EGFLAM: variants seen among roughly 807,000 people sequenced by gnomAD.
The protein encoded by EGFLAM is EGF like, fibronectin type III and laminin G domains, also known as pikachurin.
A neutral mutation model predicts 113.1 loss-of-function variants in EGFLAM; 79 were observed. The observed-to-expected ratio is 0.70, with a 90% confidence interval of 0.58 to 0.84. The LOEUF (loss-of-function observed/expected upper bound fraction) is 0.84. EGFLAM is among the 40% of genes least tolerant of loss of function. EGFLAM has a pLI of 0.00. For missense variants in EGFLAM, 1,265 were observed against 1,291.6 expected (o/e 0.98, Z 0.32); for synonymous variants, 504 against 487.6 (o/e 1.03, Z -0.44).
intron 8 of EGFLAM, among the ~76,000 whole-genome samples, 171 bp from the exon 9 acceptor site, chr5:38,407,634 C>T (rs1741332977): frequency 6.6e-6 from 1 of 152,180 alleles, no homozygotes; most frequent in South Asian, 2.1e-4. Context: ...AGCTCAAAGT[C>T]TCCAAGAATG....
intron 9 of EGFLAM, among the ~76,000 whole-genome samples, chr5:38,408,413 T>C (rs112329599): frequency 0.022 from 3,325 of 152,328 alleles, 148 homozygotes; most frequent in African/African-American, 0.077. Context: ...GACCTCAGCT[T>C]AAACTGATTC....
chr5:38,307,114 A>G (rs1758739992), intron 1 of EGFLAM, among the ~76,000 whole-genome samples: 2 of 152,228 alleles, frequency 1.3e-5, no homozygotes, highest in Non-Finnish European at 2.9e-5. Flanking sequence ...AATTGTTTTC[A>G]CCAAGCTCAG....
chr5:38,386,898 T>A (rs896000368), intron 6 of EGFLAM, among the ~76,000 whole-genome samples: 7 of 152,144 alleles, frequency 4.6e-5, no homozygotes, highest in African/African-American at 1.7e-4. Flanking sequence ...TAGACACACA[T>A]ACACAGTTAC....
chr5:38,395,382 G>A (rs1740933371), intron 6 of EGFLAM, among the ~76,000 whole-genome samples: 1 of 151,746 alleles, frequency 6.6e-6, no homozygotes, highest in South Asian at 2.1e-4. Context: ...CAAGTAGCTG[G>A]GACTACAAGT....
At chr5:38,282,855 T>A (rs1758053486) in intron 1 of EGFLAM, among the ~76,000 whole-genome samples, 1 of 152,092 alleles carries the variant, frequency 6.6e-6, no homozygotes, top group African/African-American at 2.4e-5. Context: ...GCTTGTTTGT[T>A]TTTTTCTGAG....
intron 1 of EGFLAM, among the ~76,000 whole-genome samples, chr5:38,335,204 A>G (rs1739152570): frequency 6.6e-6 from 1 of 152,252 alleles, no homozygotes; most frequent in Non-Finnish European, 1.5e-5. Context: ...AGTAAAAATG[A>G]AAATGTATGT....
chr5:38,432,722 G>A (rs1481924979), intron 15 of EGFLAM, among the ~76,000 whole-genome samples: 1 of 152,162 alleles, frequency 6.6e-6, no homozygotes, highest in African/African-American at 2.4e-5. Context: ...AGGAACAAAA[G>A]CTGAGGATGG....
chr5:38,339,385 C>T (rs991771147), intron 3 of EGFLAM, among the ~76,000 whole-genome samples: 4 of 152,116 alleles, frequency 2.6e-5, no homozygotes, highest in African/African-American at 9.7e-5. Flanking sequence ...CCTAATTCTG[C>T]CACTACTCCA....
intron 15 of EGFLAM, among the ~76,000 whole-genome samples, chr5:38,433,349 T>G (rs1361864025): frequency 1.3e-5 from 2 of 152,212 alleles, no homozygotes; most frequent in African/African-American, 2.4e-5. Flanking sequence ...GGAAGAGCAG[T>G]GCTTCTGAGG....
At chr5:38,353,949 A>G (rs1739697107) in intron 5 of EGFLAM, among the ~76,000 whole-genome samples, 1 of 152,154 alleles carries the variant, frequency 6.6e-6, no homozygotes, top group African/African-American at 2.4e-5. Flanking sequence ...GTCTCTTTCC[A>G]TCCTTTGCAC....
chr5:38,370,815 A>G (rs2112035624), intron 6 of EGFLAM, among the ~76,000 whole-genome samples: 1 of 152,318 alleles, frequency 6.6e-6, no homozygotes, highest in Non-Finnish European at 1.5e-5. Context: ...CCATAGGAGA[A>G]AAAACTAAGG....
intron 6 of EGFLAM, among the ~76,000 whole-genome samples, chr5:38,375,374 C>T (rs191373601): frequency 6.6e-6 from 1 of 152,280 alleles, no homozygotes; most frequent in East Asian, 1.9e-4. Context: ...CCCTCTCACT[C>T]CTCTCTGTCT....
At chr5:38,376,989 G>T (rs915521795) in intron 6 of EGFLAM, among the ~76,000 whole-genome samples, 3 of 151,770 alleles carry the variant, frequency 2.0e-5, no homozygotes, top group African/African-American at 7.3e-5. Context: ...TGTGGTCTCA[G>T]CCTAATGCCC....
rs571951669 is a variant in EGFLAM at position 38,406,926 on chromosome 5, C to A, written c.927C>A (p.Ile309=). ...ISNPKTISRL[I]PPTSASLPVT... is the part of the protein sequence containing the mutation. Reference sequence around the variant, plus strand: ...ACCCAAAGACCATTTCTAGGCTCATCCCCCCTACCTCAGCATCTCTCCCTG... The same window carrying A: ...ACCCAAAGACCATTTCTAGGCTCATACCCCCTACCTCAGCATCTCTCCCTG... The change falls in exon 8 of 22, where the codon ATC becomes ATA. Residue 309 remains isoleucine, a synonymous_variant. Transcript: ENST00000322350. 1.2e-6 allele frequency: 2 copies of A among 1,614,040 alleles called. No homozygotes were observed. The highest frequency in any genetic ancestry group is 1.3e-5 in the African/African-American group (1 of 74,922).
Position 38,464,398 on chromosome 5 carries a change from A to C in EGFLAM, c.*412A>C. On this transcript the variant is annotated 3_prime_UTR_variant, in exon 22 of 22. Transcript: ENST00000322350. ...CTTCTCTCCTTCCCTGACTCATGAC[A>C]CTCTTCCTGACAGCAGAATGACTGT... is the stretch of plus-strand genomic sequence containing the variant. The C allele has an allele frequency of 5.8e-6, 1 of 172,806 alleles. No individual in the cohort carries two copies. Among genetic ancestry groups the C allele is most frequent in the Non-Finnish European group, 1.2e-5 (1 of 80,764 alleles). The allele number at this position is 172,806 out of a possible 1,614,324, so 10.7% of individuals were successfully genotyped here. A position where few individuals can be genotyped will look rare whatever the true frequency, so the allele number is the denominator to read the frequency against.
rs1050776845 is a variant in EGFLAM, at chr5:38,350,426, A to G, written c.292-75A>G. On this transcript the variant is annotated intron_variant, in intron 3 of 21. Coordinates refer to ENST00000322350, the MANE Select transcript of EGFLAM (RefSeq NM_152403.4). ...GTTTCACAGGGGCCTCGAGATATAA[A>G]CCTCATGGAAATTGTACAATTTGCC... The G allele has an allele frequency of 1.0e-5, 15 of 1,431,478 alleles. No individual in the cohort carries two copies. In the Admixed American group the frequency reaches 1.8e-4, roughly 17 times the overall value. The allele number at this position is 1,431,478 out of a possible 1,614,324, so 88.7% of individuals were successfully genotyped here.
chr5:38,452,690 T>A (rs1053701973), intron 19 of EGFLAM, among the ~76,000 whole-genome samples: 2 of 152,238 alleles, frequency 1.3e-5, no homozygotes, highest in East Asian at 3.8e-4. Context: ...GAATCCCTGC[T>A]TTCAAGTCTC....
intron 1 of EGFLAM, among the ~76,000 whole-genome samples, chr5:38,294,063 C>T (rs557073817): frequency 6.6e-6 from 1 of 152,296 alleles, no homozygotes; most frequent in African/African-American, 2.4e-5. Flanking sequence ...TCTATTCTCA[C>T]TCATGTCTCT....
At chr5:38,351,211 C>T (rs1021295575) in intron 4 of EGFLAM, among the ~76,000 whole-genome samples, 4 of 151,238 alleles carry the variant, frequency 2.6e-5, no homozygotes, top group Admixed American at 6.6e-5. Context: ...TGGGTTCAAG[C>T]GATTCTTCTG....
Sources: gnomAD v4.1 joint callset for allele counts (sites outside exome capture counted in the v4.1 genomes callset) on GRCh38, gnomAD v4.1.1 for gene constraint, MANE v1.5 for transcripts, NCBI Gene and HGNC (gene_info 2026-07-23, HGNC 2026-07-21) for gene names.